The following ELAPOR2 variants were observed in gnomAD, a reference collection of about 807,000 sequenced individuals.
ELAPOR2 encodes endosome/lysosome-associated apoptosis and autophagy regulator family member 2.
Under a neutral mutation model 120.7 loss-of-function variants are expected in ELAPOR2, and 89 were observed. The ratio of observed to expected loss-of-function variants is 0.74; its 90% CI spans 0.62 to 0.88. The LOEUF (loss-of-function observed/expected upper bound fraction) is 0.88, where lower values mean the gene tolerates loss of function less well. Among genes scored for constraint, ELAPOR2 ranks in the 40% least tolerant of loss-of-function variants. The pLI, the probability that ELAPOR2 is intolerant of heterozygous loss-of-function variation, is 0.00. For missense variants in ELAPOR2, 1,134 were observed against 1,251.6 expected (o/e 0.91, Z 1.42); for synonymous variants, 444 against 444.9 (o/e 1.00, Z 0.03).
At chr7:87,023,457 G>C (rs934626158) in intron 1 of ELAPOR2, among the ~76,000 whole-genome samples, 2 of 152,118 alleles carry the variant, frequency 1.3e-5, no homozygotes, top group Non-Finnish European at 2.9e-5. Flanking sequence ...ATGCTGTTTT[G>C]GTTACTGTAG....
intron 5 of ELAPOR2, among the ~76,000 whole-genome samples, chr7:86,941,104 T>C (rs1790778701): frequency 1.3e-5 from 2 of 152,060 alleles, no homozygotes; most frequent in African/African-American, 4.8e-5. Flanking sequence ...AAGACAAGGA[T>C]TGATGGTCAC....
intron 3 of ELAPOR2, among the ~76,000 whole-genome samples, 168 bp from the exon 4 acceptor site, chr7:86,945,214 A>G (rs1305517934): frequency 6.6e-6 from 1 of 152,204 alleles, no homozygotes; most frequent in Non-Finnish European, 1.5e-5. Context: ...GAAGAGGTCC[A>G]TTTCTTATGG....
rs781647194 is a variant in ELAPOR2 at position 86,913,216 on chromosome 7, A to G, written c.1732-12T>C. 3.1e-6 allele frequency: 5 copies of G among 1,610,558 alleles called. No individual in the cohort carries two copies. In the South Asian group the frequency reaches 5.5e-5, roughly 18 times the overall value. On this transcript the variant is annotated splice_polypyrimidine_tract_variant and intron_variant, in intron 13 of 21. Transcript: ENST00000450689. ...ATGAACCGTCTATTCTAAAAAAAAG[A>G]GCATAAAGTAATGACTTCTGCCTTG... is the stretch of plus-strand genomic sequence containing the variant.
intron 1 of ELAPOR2, among the ~76,000 whole-genome samples, chr7:87,009,430 A>G (rs948147070): frequency 6.6e-6 from 1 of 152,248 alleles, no homozygotes; most frequent in African/African-American, 2.4e-5. Flanking sequence ...ACAACTGAAA[A>G]GAGACAGTTT....
intron 1 of ELAPOR2, among the ~76,000 whole-genome samples, chr7:86,980,066 T>C (rs1792412922): frequency 6.6e-6 from 1 of 152,190 alleles, no homozygotes. Context: ...TTGACAGAGA[T>C]ATTAAAGAAG....
At chr7:86,880,876 A>T (rs1380787449) in intron 21 of ELAPOR2, among the ~76,000 whole-genome samples, 2 of 151,912 alleles carry the variant, frequency 1.3e-5, no homozygotes, top group Admixed American at 1.3e-4. Context: ...TGACCTAGCC[A>T]TGCTAATTGT....
At chr7:86,937,615 G>A (rs1014072649) in intron 8 of ELAPOR2, among the ~76,000 whole-genome samples, 3 of 152,002 alleles carry the variant, frequency 2.0e-5, no homozygotes, top group African/African-American at 7.2e-5. Flanking sequence ...TGCCATAACC[G>A]AATAGCCCAT....
At chr7:86,927,823 TAA>T (rs1790144228) in intron 8 of ELAPOR2, among the ~76,000 whole-genome samples, 1 of 152,042 alleles carries the variant, frequency 6.6e-6, no homozygotes, top group Admixed American at 6.6e-5. Context: ...GCAGCATTTT[TAA>T]AAGAGACTAA....
intron 1 of ELAPOR2, among the ~76,000 whole-genome samples, chr7:87,020,161 G>T (rs1293520127): frequency 6.6e-6 from 1 of 151,952 alleles, no homozygotes; most frequent in Non-Finnish European, 1.5e-5. Flanking sequence ...ACATATATAT[G>T]CACTTACATA....
chr7:87,040,166 A>T (rs1458855840), intron 1 of ELAPOR2, among the ~76,000 whole-genome samples: 1 of 152,242 alleles, frequency 6.6e-6, no homozygotes, highest in Non-Finnish European at 1.5e-5. Context: ...TCTGAGATCA[A>T]ACTGCAAGGC....
At chr7:86,899,660 G>T (rs1246369826) in intron 18 of ELAPOR2, among the ~76,000 whole-genome samples, 3 of 151,928 alleles carry the variant, frequency 2.0e-5, no homozygotes, top group Admixed American at 6.6e-5. Flanking sequence ...TCTAAAAATT[G>T]ACTGCATTTT....
In ELAPOR2 at chr7:86,912,181, T is replaced by C; in HGVS notation, c.2060A>G (p.Tyr687Cys). Residue 687 changes from tyrosine (Y) to cysteine (C), a missense_variant, in exon 15 of 22, where the codon TAT becomes TGT. By Grantham distance (194) the Tyr-to-Cys change is radical (BLOSUM62 -2). Coordinates refer to ENST00000450689, the MANE Select transcript of ELAPOR2 (RefSeq NM_001142749.3). ...CACACTGCTGAGGTTGCTAAAGTCA[T>C]AGTGCAAACTCTGATTTTCTTTTTC... ...YHEKENQSLH[Y>C]DFSNLSSVGS... 1.2e-6 allele frequency: 2 copies of C among 1,611,684 alleles called. No homozygotes were observed. Among genetic ancestry groups the C allele is most frequent in the Non-Finnish European group, 1.7e-6 (2 of 1,178,010 alleles).
intron 1 of ELAPOR2, among the ~76,000 whole-genome samples, chr7:87,002,962 G>A (rs1242780169): frequency 1.3e-5 from 2 of 152,060 alleles, no homozygotes; most frequent in Non-Finnish European, 2.9e-5. Flanking sequence ...ATTTTGGAGA[G>A]GCAAACAGGA....
At chr7:86,916,626 T>C (rs1213342550) in intron 12 of ELAPOR2, among the ~76,000 whole-genome samples, 1 of 152,194 alleles carries the variant, frequency 6.6e-6, no homozygotes, top group Non-Finnish European at 1.5e-5. Context: ...TACAGATTGC[T>C]GTGACCACAG....
In ELAPOR2 at chr7:86,993,438, T is replaced by A. The variant is rs543401059; in HGVS notation, c.190-28414A>T. ...GGAACAAATAGAGGAATCAAAGAGA[T>A]GAGTTATTTCAATACAATACAATAC... is the stretch of plus-strand genomic sequence containing the variant. On this transcript the variant is annotated intron_variant, in intron 1 of 21. Transcript: ENST00000450689. Among the ~76,000 whole-genome samples the A allele has an allele frequency of 2.4e-4, 37 of 152,042 alleles. No homozygotes were observed. The South Asian group carries it at 7.7e-3, about 32-fold the overall frequency.
chr7:87,000,063 C>T lies in ELAPOR2; in HGVS notation c.190-35039G>A, dbSNP rs16888315. On this transcript the variant is annotated intron_variant, in intron 1 of 21. Coordinates refer to ENST00000450689, the MANE Select transcript of ELAPOR2 (RefSeq NM_001142749.3). ...CTTACTGTCCATAACCAAAGCAAAA[C>T]GCTGCATGAACTGTGGAAAGTTAAA... 9.0e-3 allele frequency among the ~76,000 whole-genome samples: 1,377 copies of T among 152,186 alleles called. 27 individuals are homozygous for T. Among genetic ancestry groups the T allele is most frequent in the African/African-American group, 0.031 (1,296 of 41,516 alleles).
At chr7:87,027,559 T>A (rs1025343961) in intron 1 of ELAPOR2, among the ~76,000 whole-genome samples, 1 of 152,136 alleles carries the variant, frequency 6.6e-6, no homozygotes, top group Admixed American at 6.6e-5. Context: ...GCAGAAGCAA[T>A]AGACTTAAAA....
Position 86,893,045 on chromosome 7 carries a change from G to A in ELAPOR2, c.2741C>T (p.Pro914Leu). 1.3e-6 allele frequency: 2 copies of A among 1,580,592 alleles called. No individual in the cohort carries two copies. The highest frequency in any genetic ancestry group is 1.7e-6 in the Non-Finnish European group (2 of 1,167,804). The change falls in exon 20 of 22, where the codon CCT becomes CTT. Residue 914 changes from proline (P) to leucine (L), a missense_variant. Transcript: ENST00000450689. ...TTCACAGGTTGCCAACTTTTTCTCA[G>A]GCAAAGAAATTCCTTTAATGCACCA... ...PKWCIKGISL[P>L]EKKLATCETV...
chr7:86,960,386 G>A (rs945431078), intron 2 of ELAPOR2, among the ~76,000 whole-genome samples: 3 of 152,124 alleles, frequency 2.0e-5, no homozygotes, highest in Non-Finnish European at 4.4e-5. Flanking sequence ...AAGTAGCTGG[G>A]ACTACAGGTG....
Sources: gnomAD v4.1 joint callset for allele counts (sites outside exome capture counted in the v4.1 genomes callset) on GRCh38, gnomAD v4.1.1 for gene constraint, MANE v1.5 for transcripts, NCBI Gene and HGNC (gene_info 2026-07-23, HGNC 2026-07-21) for gene names.